The following PTBP2 variants were observed in gnomAD, a reference collection of about 807,000 sequenced individuals.
PTBP2 encodes the protein polypyrimidine tract-binding protein 2.
Under a neutral mutation model 61.4 loss-of-function variants are expected in PTBP2, and 13 were observed. That is an observed-to-expected ratio of 0.21 (90% CI 0.14 to 0.34). The LOEUF (loss-of-function observed/expected upper bound fraction) is 0.34, where lower values mean the gene tolerates loss of function less well. Ranked by LOEUF, PTBP2 falls within the 10% of genes least tolerant of loss-of-function variation. The pLI, the probability that PTBP2 is intolerant of heterozygous loss-of-function variation, is 1.00. For synonymous variants in PTBP2, 215 were observed against 218.5 expected (o/e 0.98, Z 0.14); for missense variants, 405 against 642.6 (o/e 0.63, Z 4.00).
chr1:96,795,707 G>A (rs1017195930), intron 8 of PTBP2, among the ~76,000 whole-genome samples: 2 of 152,126 alleles, frequency 1.3e-5, no homozygotes, highest in Non-Finnish European at 2.9e-5. Flanking sequence ...GGATATAAAC[G>A]TGATAAGAAA....
intron 8 of PTBP2, among the ~76,000 whole-genome samples, chr1:96,786,354 G>C (rs1246928652): frequency 6.6e-6 from 1 of 152,034 alleles, no homozygotes; most frequent in Non-Finnish European, 1.5e-5. Flanking sequence ...GAATTTTCTG[G>C]TGTATCCTAG....
At position 96,813,484 on chromosome 1, in the gene PTBP2, C is replaced by T; in HGVS notation, c.*79C>T. On this transcript the variant is annotated 3_prime_UTR_variant, in exon 14 of 14. Transcript: ENST00000674951. Reference sequence around the variant, plus strand: ...TTTGACTGTTCAGAAAAGTGGGGACCAGAGTTTGATTTTTTTTGTTTTTGT... The same window carrying T: ...TTTGACTGTTCAGAAAAGTGGGGACTAGAGTTTGATTTTTTTTGTTTTTGT... 7.7e-7 allele frequency: 1 copy of T among 1,296,386 alleles called. No individual in the cohort carries two copies. The highest frequency in any genetic ancestry group is 2.8e-5 in the Admixed American group (1 of 35,674). The allele number at this position is 1,296,386 out of a possible 1,614,324, so 80.3% of individuals were successfully genotyped here. A position where few individuals can be genotyped will look rare whatever the true frequency, so the allele number is the denominator to read the frequency against.
downstream of PTBP2, chr1:96,817,797 A>G (rs761452631): frequency 9.9e-5 from 15 of 152,192 alleles, no homozygotes; most frequent in Admixed American, 7.2e-4. Flanking sequence ...AATTTGTCCT[A>G]TATTCTGTAG....
chr1:96,822,152 A>G (rs1004020588), exon 14 of PTBP2: 2 of 152,178 alleles, frequency 1.3e-5, no homozygotes, highest in African/African-American at 4.8e-5. Context: ...TCAGTATGAG[A>G]TAAGTAAAGA....
chr1:96,771,584 G>C (rs1354129194), intron 5 of PTBP2: 1 of 151,780 alleles, frequency 6.6e-6, no homozygotes, highest in Non-Finnish European at 1.5e-5. Flanking sequence ...CTAAAAGATA[G>C]GACTGAAATT....
At chr1:96,797,231 A>G (rs1251165272) in intron 8 of PTBP2, among the ~76,000 whole-genome samples, 1 of 152,210 alleles carries the variant, frequency 6.6e-6, no homozygotes, top group African/African-American at 2.4e-5. Context: ...GTAGAGTGGC[A>G]CATGATGCAT....
intron 8 of PTBP2, among the ~76,000 whole-genome samples, chr1:96,788,533 A>G (rs1659449088): frequency 6.6e-6 from 1 of 152,074 alleles, no homozygotes; most frequent in Admixed American, 6.5e-5. Flanking sequence ...TAATTATTTA[A>G]TCAGATGACT....
At chr1:96,753,462 A>C (rs947139119) in intron 3 of PTBP2, among the ~76,000 whole-genome samples, 2 of 152,104 alleles carry the variant, frequency 1.3e-5, no homozygotes, top group Non-Finnish European at 2.9e-5. Context: ...TCAGTAATTT[A>C]GTTGCCTTCC....
intron 5 of PTBP2, among the ~76,000 whole-genome samples, chr1:96,775,602 AT>A (rs1327094085): frequency 1.3e-5 from 2 of 152,124 alleles, no homozygotes; most frequent in East Asian, 3.8e-4. Flanking sequence ...TGTTGATAAT[AT>A]ACTGTTTTTT....
At chr1:96,787,821 A>G (rs565423846) in intron 8 of PTBP2, among the ~76,000 whole-genome samples, 3 of 152,328 alleles carry the variant, frequency 2.0e-5, no homozygotes, top group African/African-American at 7.2e-5. Flanking sequence ...TGGGTATGCC[A>G]TACCTTTGAA....
intron 2 of PTBP2, among the ~76,000 whole-genome samples, chr1:96,749,325 A>G (rs1221701752): frequency 6.6e-6 from 1 of 152,192 alleles, no homozygotes; most frequent in African/African-American, 2.4e-5. Context: ...TTGAATTCAC[A>G]AATAGTCAAA....
intron 7 of PTBP2, among the ~76,000 whole-genome samples, chr1:96,779,474 T>C (rs564850796): frequency 1.2e-3 from 178 of 152,228 alleles, no homozygotes; most frequent in African/African-American, 4.0e-3. Flanking sequence ...TATATGTGTA[T>C]CTTGTCTGAA....
chr1:96,745,006 C>T (rs888165878), intron 2 of PTBP2, among the ~76,000 whole-genome samples: 1 of 152,098 alleles, frequency 6.6e-6, no homozygotes, highest in Non-Finnish European at 1.5e-5. Context: ...TACCTGATCA[C>T]CTTATCCTTA....
intron 2 of PTBP2, among the ~76,000 whole-genome samples, chr1:96,727,545 C>CAAG (rs1221118493): frequency 6.6e-6 from 1 of 152,002 alleles, no homozygotes. Flanking sequence ...CTTCCACATC[C>CAAG]TCTTTAATGC....
intron 7 of PTBP2, among the ~76,000 whole-genome samples, chr1:96,779,306 C>CA: frequency 6.6e-6 from 1 of 152,124 alleles, no homozygotes; most frequent in Non-Finnish European, 1.5e-5. Context: ...TTTTTCACAA[C>CA]TTCAAACGTT....
intron 11 of PTBP2, 72 bp from the exon 12 acceptor site, chr1:96,812,638 CTG>C (rs1662195553): frequency 8.4e-7 from 1 of 1,189,490 alleles, no homozygotes; most frequent in Non-Finnish European, 1.2e-6. Context: ...AATTTTTAAA[CTG>C]TTACGTTAAA....
chr1:96,736,248 A>G (rs1652152674), intron 2 of PTBP2, among the ~76,000 whole-genome samples: 1 of 152,238 alleles, frequency 6.6e-6, no homozygotes, highest in Admixed American at 6.5e-5. Flanking sequence ...AAAGCCAATG[A>G]CACCAGAAAG....
At chr1:96,757,942 C>G (rs1386212271) in intron 3 of PTBP2, among the ~76,000 whole-genome samples, 3 of 151,338 alleles carry the variant, frequency 2.0e-5, no homozygotes, top group African/African-American at 7.3e-5. Flanking sequence ...ACCTATATTA[C>G]AAAAAAAGGT....
chr1:96,782,559 A>G (rs1038302679), intron 7 of PTBP2, among the ~76,000 whole-genome samples: 32 of 151,980 alleles, frequency 2.1e-4, no homozygotes, highest in African/African-American at 7.7e-4. Context: ...ATCCTGCATA[A>G]TCTACCAGGG....
Sources: allele counts gnomAD v4.1 joint callset (sites outside exome capture counted in the v4.1 genomes callset), GRCh38; gene constraint gnomAD v4.1.1; transcripts MANE v1.5; gene names NCBI Gene and HGNC (gene_info 2026-07-23, HGNC 2026-07-21).